The following UGGT2 variants were observed in gnomAD, a reference collection of about 807,000 sequenced individuals.
UGGT2 encodes UDP-glucose glycoprotein glucosyltransferase 2.
Under a neutral mutation model 192.1 loss-of-function variants are expected in UGGT2, and 180 were observed. That is an observed-to-expected ratio of 0.94 (90% CI 0.83 to 1.06). The LOEUF (loss-of-function observed/expected upper bound fraction) is 1.06, where lower values mean the gene tolerates loss of function less well. Ranked by LOEUF, UGGT2 falls within the 50% of genes least tolerant of loss-of-function variation. The pLI, the probability that UGGT2 is intolerant of heterozygous loss-of-function variation, is 0.00. For missense variants in UGGT2, 1,849 were observed against 1,795.7 expected (o/e 1.03, Z -0.54); for synonymous variants, 580 against 591.0 (o/e 0.98, Z 0.27).
chr13:95,988,308 G>A (rs1230138157), intron 8 of UGGT2, among the ~76,000 whole-genome samples: 1 of 152,080 alleles, frequency 6.6e-6, no homozygotes, highest in African/African-American at 2.4e-5. Flanking sequence ...ATGTACAAGT[G>A]ATAAAGCCTG....
chr13:95,937,079 T>C lies in UGGT2; in HGVS notation c.1822A>G (p.Ser608Gly). The change falls in exon 17 of 39, where the codon AGC (serine) becomes GGC (glycine). Residue 608 changes from serine (S) to glycine (G), a missense_variant. Coordinates refer to ENST00000376747, the MANE Select transcript of UGGT2 (RefSeq NM_020121.4). The stretch of plus-strand genomic sequence containing the variant: ...CCCAGGCCAGTCATCTTATAAAAGC[T>C]TGCTCCAGCCTATTCAGTTAAAAAA... ...KYDEERKAGA[S>G]FYKMTGLGPL... 1 of 1,596,814 alleles carries C rather than the reference T, an allele frequency of 6.3e-7. No individual in the cohort carries two copies. The highest frequency in any genetic ancestry group is 8.5e-7 in the Non-Finnish European group (1 of 1,176,234).
At chr13:95,852,631 T>G (rs1250674986) in intron 36 of UGGT2, among the ~76,000 whole-genome samples, 1 of 152,202 alleles carries the variant, frequency 6.6e-6, no homozygotes, top group African/African-American at 2.4e-5. Context: ...GATGAATGAA[T>G]GAACATGCAT....
chr13:95,858,859 T>C (rs915587388), intron 33 of UGGT2, among the ~76,000 whole-genome samples: 1 of 152,196 alleles, frequency 6.6e-6, no homozygotes, highest in Admixed American at 6.6e-5. Context: ...AGTTAAACAC[T>C]TGGCATCATG....
chr13:95,945,768 G>A (rs551622144), intron 15 of UGGT2, among the ~76,000 whole-genome samples: 2 of 152,174 alleles, frequency 1.3e-5, no homozygotes, highest in African/African-American at 2.4e-5. Flanking sequence ...AAACAAATAA[G>A]CTGAGACATA....
At chr13:95,875,635 G>C (rs34695030) in intron 29 of UGGT2, among the ~76,000 whole-genome samples, 3 of 152,108 alleles carry the variant, frequency 2.0e-5, no homozygotes, top group Non-Finnish European at 4.4e-5. Context: ...TCCGTCTGTG[G>C]TATGACTAAT....
At position 96,053,353 on chromosome 13, in the gene UGGT2, C is replaced by A; in HGVS notation, c.-41G>T. The A allele has an allele frequency of 6.4e-7, 1 of 1,558,392 alleles. No homozygotes were observed. The highest frequency in any genetic ancestry group is 8.6e-7 in the Non-Finnish European group (1 of 1,164,914). ...GCGCGAGTCCCTCGGACCCGGTACC[C>A]ACAGTCTGTGGCCGCCACGCTTCGG... On this transcript the variant is annotated 5_prime_UTR_variant, in exon 1 of 39. Coordinates refer to ENST00000376747, the MANE Select transcript of UGGT2 (RefSeq NM_020121.4).
rs150009249 is a variant in UGGT2, at chr13:95,949,285, T to C, written c.1455+50A>G. The C allele has an allele frequency of 1.2e-4, 172 of 1,379,000 alleles. No homozygotes were observed. In the African/African-American group the frequency reaches 2.2e-3, roughly 18 times the overall value. The allele number at this position is 1,379,000 out of a possible 1,614,324, so 85.4% of individuals were successfully genotyped here. On this transcript the variant is annotated intron_variant, in intron 13 of 38. Transcript: ENST00000376747. Reference sequence around the variant, plus strand: ...TGACAGAAGGATAATCCAGAAAGAATGCTGATATCTTTATAAGATATATAT... The same window carrying C: ...TGACAGAAGGATAATCCAGAAAGAACGCTGATATCTTTATAAGATATATAT...
At chr13:95,999,862 T>C (rs2051743465) in intron 5 of UGGT2, among the ~76,000 whole-genome samples, 6 of 152,326 alleles carry the variant, frequency 3.9e-5, no homozygotes, top group Admixed American at 2.0e-4. Context: ...AATTAACATC[T>C]GTTCTTGCAA....
rs374393270 is a variant in UGGT2 at position 95,912,306 on chromosome 13, T to G, written c.2296-9246A>C. Among the ~76,000 whole-genome samples the G allele has an allele frequency of 3.3e-5, 5 of 152,328 alleles. No individual in the cohort carries two copies. In the East Asian group the frequency reaches 9.6e-4, roughly 29 times the overall value. ...ATGAGAAAGTCAAATTGTCCCTGTTTGCAGATGACATGATTGTATATTTAG... is the reference window on the plus strand; with the variant it reads ...ATGAGAAAGTCAAATTGTCCCTGTTGGCAGATGACATGATTGTATATTTAG... On this transcript the variant is annotated intron_variant, in intron 20 of 38. Transcript: ENST00000376747.
intron 1 of UGGT2, among the ~76,000 whole-genome samples, chr13:96,050,011 C>T (rs570078444): frequency 2.0e-5 from 3 of 152,240 alleles, no homozygotes; most frequent in East Asian, 3.9e-4. Context: ...AAAGAGAGCT[C>T]GCATTGCCAA....
At chr13:95,870,586 G>A (rs1487180449) in intron 29 of UGGT2, among the ~76,000 whole-genome samples, 1 of 152,202 alleles carries the variant, frequency 6.6e-6, no homozygotes, top group Non-Finnish European at 1.5e-5. Flanking sequence ...GAAAGTAGCA[G>A]CTCTTTCTGG....
At chr13:95,851,910 AT>A (rs67768125) in intron 36 of UGGT2, among the ~76,000 whole-genome samples, 15,358 of 152,218 alleles carry the variant, frequency 0.1, 1,046 homozygotes, top group Non-Finnish European at 0.16. Flanking sequence ...TTAAAAATAC[AT>A]TGGTAAAATT....
At chr13:95,837,307 CAT>C (rs1887399782) in intron 36 of UGGT2, 105 bp from the exon 37 acceptor site, 2 of 766,118 alleles carry the variant, frequency 2.6e-6, no homozygotes, top group South Asian at 1.5e-5. Context: ...GATCATAAAA[CAT>C]ATGCAAATCT....
chr13:95,997,621 T>C lies in UGGT2; in HGVS notation c.758-1486A>G, dbSNP rs535475962. On this transcript the variant is annotated intron_variant, in intron 6 of 38. Transcript: ENST00000376747. ...TCACACCACTGCACTCCAGCCTGGG[T>C]GACAGAGCAATGATTCCATCTCAGG... Among the ~76,000 whole-genome samples, 3 of 151,434 alleles carry C rather than the reference T, an allele frequency of 2.0e-5. No homozygotes were observed. In the East Asian group the frequency reaches 5.8e-4, roughly 29 times the overall value.
At chr13:95,981,988 T>C (rs1421920518) in intron 10 of UGGT2, among the ~76,000 whole-genome samples, 1 of 152,234 alleles carries the variant, frequency 6.6e-6, no homozygotes, top group Non-Finnish European at 1.5e-5. Flanking sequence ...TAGTAGGTGA[T>C]CAAGAAGACT....
intron 17 of UGGT2, among the ~76,000 whole-genome samples, chr13:95,929,728 T>C (rs1436928432): frequency 1.3e-5 from 2 of 152,224 alleles, no homozygotes; most frequent in Non-Finnish European, 2.9e-5. Flanking sequence ...TCTTTGCTAT[T>C]ATGAATAGTG....
chr13:95,918,555 G>A (rs981446933), intron 20 of UGGT2, among the ~76,000 whole-genome samples: 10 of 151,588 alleles, frequency 6.6e-5, no homozygotes, highest in African/African-American at 2.4e-5. Flanking sequence ...TTAGACAAAC[G>A]AAAAACTCTT....
At chr13:96,052,697 G>A (rs1026059570) in intron 1 of UGGT2, among the ~76,000 whole-genome samples, 2 of 152,216 alleles carry the variant, frequency 1.3e-5, no homozygotes, top group Non-Finnish European at 2.9e-5. Flanking sequence ...GACAGGTCAT[G>A]AACTAATTCC....
intron 33 of UGGT2, among the ~76,000 whole-genome samples, chr13:95,858,657 T>C (rs911227014): frequency 2.0e-5 from 3 of 152,188 alleles, no homozygotes; most frequent in African/African-American, 7.2e-5. Context: ...CTGATTTTAT[T>C]TGTGTCCTTT....
Sources: allele counts gnomAD v4.1 joint callset (sites outside exome capture counted in the v4.1 genomes callset), GRCh38; gene constraint gnomAD v4.1.1; transcripts MANE v1.5; gene names NCBI Gene and HGNC (gene_info 2026-07-23, HGNC 2026-07-21).